Variants in KIAA1958 observed in about 807,000 individuals in gnomAD.
KIAA1958 encodes the protein KIAA1958, also known as uncharacterized protein KIAA1958.
KIAA1958 carries 14 observed loss-of-function variants against 47.2 expected under a neutral mutation model. That is an observed-to-expected ratio of 0.30 (90% CI 0.20 to 0.46). The LOEUF (loss-of-function observed/expected upper bound fraction) is 0.46. Among genes scored for constraint, KIAA1958 ranks in the 20% least tolerant of loss-of-function variants. The pLI is 1.00. For missense variants in KIAA1958, 803 were observed against 909.2 expected (o/e 0.88, Z 1.50); for synonymous variants, 354 against 353.3 (o/e 1.00, Z -0.02).
At chr9:112,630,030 T>C (rs1836681428) in intron 2 of KIAA1958, among the ~76,000 whole-genome samples, 1 of 152,228 alleles carries the variant, frequency 6.6e-6, no homozygotes, top group African/African-American at 2.4e-5. Flanking sequence ...CCTCAGGATA[T>C]ACAGTCAATG....
intron 1 of KIAA1958, among the ~76,000 whole-genome samples, chr9:112,515,917 TG>T (rs944418643): frequency 1.6e-5 from 1 of 61,304 alleles, no homozygotes; most frequent in African/African-American, 6.1e-5. Flanking sequence ...AAAAAAAGAC[TG>T]AATGCTTTTC....
At chr9:112,565,624 T>A (rs1835415199) in intron 1 of KIAA1958, among the ~76,000 whole-genome samples, 1 of 152,252 alleles carries the variant, frequency 6.6e-6, no homozygotes, top group Non-Finnish European at 1.5e-5. Flanking sequence ...ATACCTTGAT[T>A]GTCTTATTGT....
intron 1 of KIAA1958, among the ~76,000 whole-genome samples, chr9:112,524,715 G>T (rs887971346): frequency 6.6e-6 from 1 of 152,130 alleles, no homozygotes; most frequent in Non-Finnish European, 1.5e-5. Flanking sequence ...TTGGAATGTG[G>T]CTTCGTAAGG....
intron 1 of KIAA1958, among the ~76,000 whole-genome samples, chr9:112,543,429 T>C (rs1416467679): frequency 1.3e-5 from 2 of 152,132 alleles, no homozygotes; most frequent in Non-Finnish European, 2.9e-5. Flanking sequence ...GGATGCTGAG[T>C]GGGCCAGATC....
chr9:112,570,392 T>A (rs1226480448), intron 1 of KIAA1958, among the ~76,000 whole-genome samples: 1 of 152,216 alleles, frequency 6.6e-6, no homozygotes, highest in East Asian at 1.9e-4. Flanking sequence ...TTTTCTGTGA[T>A]CTTTGAAACA....
intron 3 of KIAA1958, among the ~76,000 whole-genome samples, chr9:112,649,499 G>A (rs879714904): frequency 6.6e-6 from 1 of 151,926 alleles, no homozygotes; most frequent in Non-Finnish European, 1.5e-5. Flanking sequence ...CTGACATGTG[G>A]GACAATTTCA....
intron 2 of KIAA1958, among the ~76,000 whole-genome samples, chr9:112,613,073 C>T (rs572964620): frequency 6.6e-6 from 1 of 152,210 alleles, no homozygotes; most frequent in African/African-American, 2.4e-5. Context: ...AATGTAAAAA[C>T]TTGAAAATTA....
chr9:112,529,089 G>C lies in KIAA1958; in HGVS notation c.-25+41971G>C, dbSNP rs185380555. On this transcript the variant is annotated intron_variant, in intron 1 of 3. Coordinates refer to ENST00000337530, the MANE Select transcript of KIAA1958 (RefSeq NM_133465.4). ...AATATTTATTGAATTGCCAGGAGGT[G>C]GTCTAACAATGGAGTGTAAGGGAGT... is the stretch of plus-strand genomic sequence containing the variant. 9.5e-4 allele frequency among the ~76,000 whole-genome samples: 145 copies of C among 152,234 alleles called. 1 individual carries two copies. Among genetic ancestry groups the C allele is most frequent in the African/African-American group, 3.1e-3 (129 of 41,546 alleles).
chr9:112,555,744 A>C (rs1455007588), intron 1 of KIAA1958, among the ~76,000 whole-genome samples: 1 of 152,228 alleles, frequency 6.6e-6, no homozygotes, highest in Non-Finnish European at 1.5e-5. Context: ...TCTATTCATA[A>C]GAGTGGAACC....
intron 1 of KIAA1958, among the ~76,000 whole-genome samples, chr9:112,546,608 A>T (rs1835036896): frequency 6.6e-6 from 1 of 152,002 alleles, no homozygotes; most frequent in South Asian, 2.1e-4. Flanking sequence ...GAAGCCATGA[A>T]CCCATGTGGC....
chr9:112,637,480 C>T (rs377686309), intron 2 of KIAA1958, among the ~76,000 whole-genome samples: 2 of 152,090 alleles, frequency 1.3e-5, no homozygotes, highest in East Asian at 1.9e-4. Flanking sequence ...CAGTTTCAAG[C>T]GACTCTCCTG....
At chr9:112,558,049 AC>A (rs772839617) in intron 1 of KIAA1958, among the ~76,000 whole-genome samples, 2 of 152,026 alleles carry the variant, frequency 1.3e-5, no homozygotes, top group Non-Finnish European at 2.9e-5. Flanking sequence ...ACATGGTGAA[AC>A]CCCGTCTCTA....
chr9:112,571,776 C>T (rs1249938626), intron 1 of KIAA1958, among the ~76,000 whole-genome samples: 1 of 145,076 alleles, frequency 6.9e-6, no homozygotes, highest in Non-Finnish European at 1.5e-5. Flanking sequence ...AGGGACACCC[C>T]TAGGTTAAAA....
chr9:112,584,714 TG>T (rs1835794014), intron 2 of KIAA1958, among the ~76,000 whole-genome samples: 1 of 152,220 alleles, frequency 6.6e-6, no homozygotes, highest in Admixed American at 6.5e-5. Context: ...GGATCAACAT[TG>T]CCTGAGTTCC....
chr9:112,521,654 T>G (rs1047223305), intron 1 of KIAA1958, among the ~76,000 whole-genome samples: 1 of 152,224 alleles, frequency 6.6e-6, no homozygotes, highest in African/African-American at 2.4e-5. Flanking sequence ...GAGATTTTCT[T>G]TGTGGCATAT....
chr9:112,491,750 G>C (rs1299168504), intron 1 of KIAA1958, among the ~76,000 whole-genome samples: 2 of 151,934 alleles, frequency 1.3e-5, no homozygotes, highest in Non-Finnish European at 2.9e-5. Flanking sequence ...TGCTTCCATT[G>C]CTTTCCCTTG....
At chr9:112,547,234 C>T (rs548501920) in intron 1 of KIAA1958, among the ~76,000 whole-genome samples, 368 of 13,260 alleles carry the variant, frequency 0.028, 1 homozygote, top group Middle Eastern at 0.036. Flanking sequence ...AAAAAATTAG[C>T]TGGGAGTGGG....
chr9:112,489,473 T>TG lies in KIAA1958; in HGVS notation c.-25+2356dup, dbSNP rs934414415. ...ACACCTAGTTTTGTTTATGTTTTTGTGTTTTTTTTTTTTTGACTGATAGGT... is the reference window on the plus strand; with the variant it reads ...ACACCTAGTTTTGTTTATGTTTTTGTGGTTTTTTTTTTTTTGACTGATAGGT... On this transcript the variant is annotated intron_variant, in intron 1 of 3. Transcript: ENST00000337530. Among the ~76,000 whole-genome samples the TG allele has an allele frequency of 2.4e-4, 29 of 122,764 alleles. 1 individual carries two copies. Among genetic ancestry groups the TG allele is most frequent in the Admixed American group, 2.1e-3 (25 of 11,786 alleles). The allele number at this position is 122,764 out of a possible 152,430, so 80.5% of individuals were successfully genotyped here.
chr9:112,646,697 T>G (rs1366474130), intron 3 of KIAA1958, among the ~76,000 whole-genome samples: 1 of 152,178 alleles, frequency 6.6e-6, no homozygotes, highest in Non-Finnish European at 1.5e-5. Context: ...CAGCCATGAC[T>G]GTAAATAGCT....
Sources: allele counts gnomAD v4.1 joint callset (sites outside exome capture counted in the v4.1 genomes callset), GRCh38; gene constraint gnomAD v4.1.1; transcripts MANE v1.5; gene names NCBI Gene and HGNC (gene_info 2026-07-23, HGNC 2026-07-21).